SPECC1: variants seen among roughly 807,000 people sequenced by gnomAD.
SPECC1 encodes sperm antigen with calponin homology and coiled-coil domains 1.
SPECC1 carries 62 observed loss-of-function variants against 104.1 expected under a neutral mutation model. The observed-to-expected ratio is 0.60, with a 90% CI of 0.49 to 0.74. The LOEUF (loss-of-function observed/expected upper bound fraction) is 0.74. Ranked by LOEUF, SPECC1 falls within the 30% of genes least tolerant of loss-of-function variation. The pLI is 0.00. For missense variants in SPECC1, 1,306 were observed against 1,310.5 expected (o/e 1.00, Z 0.05); for synonymous variants, 513 against 501.6 (o/e 1.02, Z -0.30).
chr17:20,270,379 T>A (rs2040361172), intron 12 of SPECC1, among the ~76,000 whole-genome samples: 1 of 130,074 alleles, frequency 7.7e-6, no homozygotes, highest in South Asian at 2.4e-4. Context: ...GGAGGACTGC[T>A]GAGACCAGGA....
intron 14 of SPECC1, among the ~76,000 whole-genome samples, chr17:20,306,630 T>C (rs8071665): frequency 0.71 from 107,870 of 152,228 alleles, 40,030 homozygotes; most frequent in East Asian, 0.99. Flanking sequence ...GGAAGCTGGT[T>C]TCCACCTGGG....
At chr17:20,067,476 TC>T (rs2046398379) in intron 1 of SPECC1, 2 of 152,104 alleles carry the variant, frequency 1.3e-5, no homozygotes, top group Admixed American at 1.3e-4. Context: ...TTTTTTTCAG[TC>T]TTTTTATATG....
chr17:20,270,108 G>C (rs954314482), intron 12 of SPECC1, among the ~76,000 whole-genome samples: 31 of 152,080 alleles, frequency 2.0e-4, no homozygotes, highest in Admixed American at 1.8e-3. Flanking sequence ...GCTGAGGAGA[G>C]AGGGCAATAG....
intron 1 of SPECC1, among the ~76,000 whole-genome samples, chr17:20,032,277 C>A (rs1597589688): frequency 6.6e-6 from 1 of 152,020 alleles, no homozygotes; most frequent in East Asian, 1.9e-4. Flanking sequence ...ACTTGGAATT[C>A]ATTGAGTTTC....
rs140163938 is a variant in SPECC1 at position 20,159,292 on chromosome 17, G to A, written c.284-45041G>A. Among the ~76,000 whole-genome samples, 195 of 152,102 alleles carry A rather than the reference G, an allele frequency of 1.3e-3. 4 individuals carry two copies. In the East Asian group the frequency reaches 0.025, roughly 20 times the overall value. ...TGCCCAGGCTGGTCCCAAACTCCTG[G>A]GCTCAGGTGATCCTCTTGCTTCAGC... On this transcript the variant is annotated intron_variant, in intron 3 of 14. Transcript: ENST00000395527.
intron 3 of SPECC1, among the ~76,000 whole-genome samples, chr17:20,123,428 C>A (rs1255815751): frequency 6.6e-6 from 1 of 152,142 alleles, no homozygotes; most frequent in East Asian, 1.9e-4. Flanking sequence ...CTGTCAGTGT[C>A]CTCGCTGATA....
At chr17:20,158,025 C>T (rs1371743078) in intron 3 of SPECC1, among the ~76,000 whole-genome samples, 1 of 152,150 alleles carries the variant, frequency 6.6e-6, no homozygotes, top group African/African-American at 2.4e-5. Flanking sequence ...TTTTAACTGG[C>T]CTTCTAATGC....
rs892221661 is a variant in SPECC1 at position 20,204,825 on chromosome 17, A to G, written c.776A>G (p.His259Arg). ...VLKEKLIYLEHSPNSEGAASH... is the reference protein window; with the variant it reads ...VLKEKLIYLERSPNSEGAASH... ...AAGGAGAAACTGATCTATCTTGAGC[A>G]CTCCCCAAATTCAGAAGGGGCAGCA... Residue 259 changes from histidine to arginine, a missense_variant, in exon 4 of 15, where the codon CAC becomes CGC. Around this residue, in one of 2 missense-constraint regions of SPECC1, gnomAD observed 1,177 missense variants for 1,139.9 expected, o/e 1.03. Transcript: ENST00000395527. 2.5e-6 allele frequency: 4 copies of G among 1,613,720 alleles called. No homozygotes were observed. In the African/African-American group the frequency reaches 4.0e-5, roughly 16 times the overall value.
chr17:20,293,961 G>A (rs542188562), intron 12 of SPECC1, among the ~76,000 whole-genome samples: 13 of 152,246 alleles, frequency 8.5e-5, no homozygotes, highest in East Asian at 7.7e-4. Context: ...CCACCATCTC[G>A]ATGGGCAGGG....
rs369587806 is a variant in SPECC1, at chr17:20,049,597, CAA to C, written c.-22+40174_-22+40175del. Among the ~76,000 whole-genome samples the C allele has an allele frequency of 9.9e-5, 15 of 152,074 alleles. No homozygotes were observed. The South Asian group carries it at 1.7e-3, about 17-fold the overall frequency. Reference sequence around the variant, plus strand: ...AAATTAACTCTGTCTGGATATGAGTCAAGTTTTGTTTTCCCAGTTCATTCAGC... The same window carrying C: ...AAATTAACTCTGTCTGGATATGAGTCGTTTTGTTTTCCCAGTTCATTCAGC... On this transcript the variant is annotated intron_variant, in intron 1 of 14. Transcript: ENST00000395527.
chr17:20,043,783 G>A (rs1209731638), intron 1 of SPECC1, among the ~76,000 whole-genome samples: 2 of 152,120 alleles, frequency 1.3e-5, no homozygotes, highest in Non-Finnish European at 2.9e-5. Context: ...AATTTCCAAG[G>A]GAGAAGAGTT....
At chr17:20,232,066 C>T (rs2038616468) in intron 6 of SPECC1, 134 bp from the exon 7 acceptor site, 1 of 1,078,540 alleles carries the variant, frequency 9.3e-7, no homozygotes, top group Admixed American at 2.0e-5. Context: ...AGCAGTGAGC[C>T]ACCGTGTAAG....
rs1452353582 is a variant in SPECC1, at chr17:20,206,516, T to A, written c.1863+604T>A. ...TTTGACATTTTAGAAATATTAAAACTTTTCTCAGCATATTCCTATCATTAA... is the reference window on the plus strand; with the variant it reads ...TTTGACATTTTAGAAATATTAAAACATTTCTCAGCATATTCCTATCATTAA... On this transcript the variant is annotated intron_variant, in intron 4 of 14. Transcript: ENST00000395527. Among the ~76,000 whole-genome samples the A allele has an allele frequency of 1.3e-5, 2 of 151,914 alleles. 1 individual carries two copies. The highest frequency in any genetic ancestry group is 4.8e-5 in the African/African-American group (2 of 41,450).
chr17:20,177,773 G>A (rs1034555946), intron 3 of SPECC1, among the ~76,000 whole-genome samples: 4 of 152,022 alleles, frequency 2.6e-5, no homozygotes, highest in African/African-American at 7.2e-5. Flanking sequence ...GCAGTGGCGC[G>A]ATCTCGGCTC....
intron 3 of SPECC1, among the ~76,000 whole-genome samples, chr17:20,111,578 A>T (rs2048493238): frequency 6.6e-6 from 1 of 152,216 alleles, no homozygotes; most frequent in Admixed American, 6.5e-5. Flanking sequence ...CCAAAAGTTA[A>T]TAAAGCCCCA....
intron 3 of SPECC1, among the ~76,000 whole-genome samples, chr17:20,161,268 A>C (rs551611198): frequency 3.3e-5 from 5 of 152,140 alleles, no homozygotes; most frequent in Admixed American, 6.6e-5. Flanking sequence ...CTATTTCTTG[A>C]CTCACCAGCT....
At chr17:20,260,668 G>T (rs188236031) in intron 12 of SPECC1, among the ~76,000 whole-genome samples, 129 of 152,330 alleles carry the variant, frequency 8.5e-4, no homozygotes, top group African/African-American at 2.8e-3. Flanking sequence ...GGCTTTATTG[G>T]AGCTTATGCC....
intron 1 of SPECC1, among the ~76,000 whole-genome samples, chr17:20,060,590 A>T (rs1234224180): frequency 6.6e-6 from 1 of 152,262 alleles, no homozygotes; most frequent in Non-Finnish European, 1.5e-5. Context: ...CAATTTTTTA[A>T]TTATTCACCA....
rs1442632755 is a variant in SPECC1 at position 20,159,587 on chromosome 17, T to C, written c.284-44746T>C. 2.6e-5 allele frequency among the ~76,000 whole-genome samples: 4 copies of C among 152,242 alleles called. No individual in the cohort carries two copies. The East Asian group carries it at 7.7e-4, about 29-fold the overall frequency. ...AAGGCAGCTTCTCAGCTGCTGCTGC[T>C]TTTCTAGCCCTGGAATTGGCTGTGG... is the stretch of plus-strand genomic sequence containing the variant. On this transcript the variant is annotated intron_variant, in intron 3 of 14. Coordinates refer to ENST00000395527, the MANE Select transcript of SPECC1 (RefSeq NM_001243439.2).
Sources: gnomAD v4.1 joint callset for allele counts (sites outside exome capture counted in the v4.1 genomes callset) on GRCh38, gnomAD v4.1.1 for gene constraint, gnomAD v4.1.1 regional missense constraint, MANE v1.5 for transcripts, NCBI Gene and HGNC (gene_info 2026-07-23, HGNC 2026-07-21) for gene names.